The following CARNMT1 variants were observed in gnomAD, a reference collection of about 807,000 sequenced individuals.
The protein encoded by CARNMT1 is carnosine N-methyltransferase 1.
CARNMT1 carries 28 observed loss-of-function variants against 49.6 expected under a neutral mutation model. That is an observed-to-expected ratio of 0.56 (90% CI 0.42 to 0.77). CARNMT1 has a LOEUF of 0.77. Ranked by LOEUF, CARNMT1 falls within the 30% of genes least tolerant of loss-of-function variation. CARNMT1 has a pLI of 0.00. For missense variants in CARNMT1, 421 were observed against 512.6 expected (o/e 0.82, Z 1.73); for synonymous variants, 178 against 175.0 (o/e 1.02, Z -0.13).
intron 1 of CARNMT1, among the ~76,000 whole-genome samples, chr9:75,025,755 T>C (rs1564109348): frequency 6.6e-6 from 1 of 152,222 alleles, no homozygotes; most frequent in African/African-American, 2.4e-5. Flanking sequence ...AAGGGTCAAC[T>C]GTACTTGCTA....
chr9:75,023,207 A>C (rs2118875221), intron 1 of CARNMT1, among the ~76,000 whole-genome samples: 1 of 152,002 alleles, frequency 6.6e-6, no homozygotes, highest in South Asian at 2.1e-4. Flanking sequence ...TCCCACAATC[A>C]ATAAACCCAG....
Position 75,022,906 on chromosome 9 carries a change from G to A in CARNMT1, c.230+5106C>T, listed in dbSNP as rs192509974. On this transcript the variant is annotated intron_variant, in intron 1 of 7. Transcript: ENST00000376834. Reference sequence around the variant, plus strand: ...TCCCAGCACTTTGAGAGGCTGAGGTGGGCAGATCACTTCAGGTCAGGAGTT... The same window carrying A: ...TCCCAGCACTTTGAGAGGCTGAGGTAGGCAGATCACTTCAGGTCAGGAGTT... Among the ~76,000 whole-genome samples the A allele has an allele frequency of 1.9e-3, 291 of 152,022 alleles. 1 individual carries two copies. Among genetic ancestry groups the A allele is most frequent in the Non-Finnish European group, 3.5e-3 (235 of 67,964 alleles).
intron 6 of CARNMT1, among the ~76,000 whole-genome samples, chr9:74,988,023 G>T (rs1183711349): frequency 6.6e-6 from 1 of 151,900 alleles, no homozygotes; most frequent in Non-Finnish European, 1.5e-5. Flanking sequence ...TCCTCAAAGG[G>T]TTCTTTATTT....
chr9:75,021,956 A>G, intron 1 of CARNMT1, among the ~76,000 whole-genome samples: 1 of 152,056 alleles, frequency 6.6e-6, no homozygotes, highest in East Asian at 1.9e-4. Flanking sequence ...GAGAAGAAAA[A>G]AAAAAGTCAT....
chr9:75,019,949 T>C lies in CARNMT1; in HGVS notation c.231-2501A>G, dbSNP rs555367822. Reference sequence around the variant, plus strand: ...CCATCTGGATAACCTCAAGAACATATACATTTGTTGAAAACAATTGCAGTA... The same window carrying C: ...CCATCTGGATAACCTCAAGAACATACACATTTGTTGAAAACAATTGCAGTA... On this transcript the variant is annotated intron_variant, in intron 1 of 7. Coordinates refer to ENST00000376834, the MANE Select transcript of CARNMT1 (RefSeq NM_152420.3). Among the ~76,000 whole-genome samples the C allele has an allele frequency of 3.9e-5, 6 of 152,298 alleles. No homozygotes were observed. In the South Asian group the frequency reaches 1.2e-3, roughly 32 times the overall value.
chr9:75,017,214 A>C, intron 2 of CARNMT1, 39 bp downstream of exon 2: 1 of 1,496,820 alleles, frequency 6.7e-7, no homozygotes, highest in Non-Finnish European at 9.3e-7. Context: ...ACAGAGGTTG[A>C]CCCTAAAATA....
At chr9:74,992,947 A>G (rs1325970286) in intron 6 of CARNMT1, among the ~76,000 whole-genome samples, 1 of 152,232 alleles carries the variant, frequency 6.6e-6, no homozygotes, top group Non-Finnish European at 1.5e-5. Flanking sequence ...GGTCTATATA[A>G]TTAAAGCCAA....
chr9:74,985,461 G>A (rs1485016300), intron 6 of CARNMT1, among the ~76,000 whole-genome samples: 1 of 152,176 alleles, frequency 6.6e-6, no homozygotes, highest in African/African-American at 2.4e-5. Context: ...TTCCTGAAAG[G>A]AAGAAGTAAC....
intron 3 of CARNMT1, among the ~76,000 whole-genome samples, chr9:75,001,949 T>C (rs931509183): frequency 6.6e-6 from 1 of 152,118 alleles, no homozygotes; most frequent in Non-Finnish European, 1.5e-5. Context: ...ATACAATATG[T>C]GGCTCAGTAA....
Position 74,996,472 on chromosome 9 carries a change from C to T in CARNMT1, c.999G>A (p.Lys333=). 6.3e-7 allele frequency: 1 copy of T among 1,599,504 alleles called. No individual in the cohort carries two copies. Among genetic ancestry groups the T allele is most frequent in the Non-Finnish European group, 8.5e-7 (1 of 1,174,120 alleles). Residue 333 remains lysine (K), a synonymous_variant, in exon 6 of 8, where the codon AAG becomes AAA. Coordinates refer to ENST00000376834, the MANE Select transcript of CARNMT1 (RefSeq NM_152420.3). ...DYIDTIWKIL[K]PGGIWINLGP... is the part of the protein sequence containing the mutation. The stretch of plus-strand genomic sequence containing the variant: ...CTAGATTTATCCAAATTCCACCTGG[C>T]TTGAGTATTTTCCATATTGTATCAA...
intron 6 of CARNMT1, among the ~76,000 whole-genome samples, chr9:74,991,897 C>G (rs2118766478): frequency 1.3e-5 from 2 of 152,254 alleles, no homozygotes; most frequent in East Asian, 3.9e-4. Flanking sequence ...TGTTTTATAT[C>G]TTTTTATATT....
rs1587647590 is a variant in CARNMT1, at chr9:74,982,568, A to G, written c.*1199T>C. On this transcript the variant is annotated 3_prime_UTR_variant, in exon 8 of 8. Coordinates refer to ENST00000376834, the MANE Select transcript of CARNMT1 (RefSeq NM_152420.3). ...AATTACATGATGGCTGCTGCTTACA[A>G]TATTGAAGACACAGACCACGGGCAG... 6.6e-6 allele frequency: 1 copy of G among 152,206 alleles called. No homozygotes were observed. Among genetic ancestry groups the G allele is most frequent in the East Asian group, 1.9e-4 (1 of 5,186 alleles). The allele number at this position is 152,206 out of a possible 1,614,324, so 9.4% of individuals were successfully genotyped here.
At chr9:74,986,285 T>C (rs1832834265) in intron 6 of CARNMT1, among the ~76,000 whole-genome samples, 1 of 152,194 alleles carries the variant, frequency 6.6e-6, no homozygotes, top group South Asian at 2.1e-4. Flanking sequence ...ATTCTGTGGA[T>C]CACAGGGTAA....
chr9:75,000,654 G>A (rs973702948), intron 3 of CARNMT1, among the ~76,000 whole-genome samples: 1 of 152,102 alleles, frequency 6.6e-6, no homozygotes, highest in African/African-American at 2.4e-5. Context: ...CTTATAAGAA[G>A]CCAAAGGAAA....
At chr9:74,993,510 T>C (rs577660649) in intron 6 of CARNMT1, among the ~76,000 whole-genome samples, 1 of 151,950 alleles carries the variant, frequency 6.6e-6, no homozygotes, top group Admixed American at 6.6e-5. Context: ...TGTGGAGAAA[T>C]GAAAAGGGCC....
rs781069455 is a variant in CARNMT1 at position 74,983,876 on chromosome 9, G to A, written c.1129-8C>T. ...TACAGATTCTTTTTCCACCTGCAAT[G>A]CAAACAATAATCATAATACTATGAC... On this transcript the variant is annotated splice_polypyrimidine_tract_variant and splice_region_variant and intron_variant, in intron 7 of 7. Coordinates refer to ENST00000376834, the MANE Select transcript of CARNMT1 (RefSeq NM_152420.3). 8.9e-6 allele frequency: 14 copies of A among 1,577,080 alleles called. No homozygotes were observed. In the South Asian group the frequency reaches 1.6e-4, roughly 18 times the overall value.
At chr9:75,000,912 C>T (rs536245485) in intron 3 of CARNMT1, among the ~76,000 whole-genome samples, 1 of 152,242 alleles carries the variant, frequency 6.6e-6, no homozygotes, top group East Asian at 1.9e-4. Context: ...CTTTTGAAAA[C>T]TCATAGCTCT....
intron 1 of CARNMT1, among the ~76,000 whole-genome samples, chr9:75,020,270 T>C (rs7469779): frequency 1.5e-3 from 66 of 43,312 alleles, no homozygotes; most frequent in African/African-American, 2.3e-3. Context: ...TTTTCTTCTT[T>C]TTTTTTTTTT....
In CARNMT1 at chr9:74,981,067, T is replaced by A. The variant is rs927672764; in HGVS notation, c.*2700A>T. On this transcript the variant is annotated 3_prime_UTR_variant, in exon 8 of 8. Transcript: ENST00000376834. Reference sequence around the variant, plus strand: ...TAATATTCAAGAAAAATTAATTTCATCATACACATTAAAAATATAGGAAAT... The same window carrying A: ...TAATATTCAAGAAAAATTAATTTCAACATACACATTAAAAATATAGGAAAT... The A allele has an allele frequency of 6.6e-6, 1 of 152,162 alleles. No individual in the cohort carries two copies. Among genetic ancestry groups the A allele is most frequent in the African/African-American group, 2.4e-5 (1 of 41,458 alleles). The allele number at this position is 152,162 out of a possible 1,614,324, so 9.4% of individuals were successfully genotyped here. A position where few individuals can be genotyped will look rare whatever the true frequency, so the allele number is the denominator to read the frequency against.
Sources: gnomAD v4.1 joint callset for allele counts (sites outside exome capture counted in the v4.1 genomes callset) on GRCh38, gnomAD v4.1.1 for gene constraint, MANE v1.5 for transcripts, NCBI Gene and HGNC (gene_info 2026-07-23, HGNC 2026-07-21) for gene names.